The following GPR21 variants were observed in gnomAD, a reference collection of about 807,000 sequenced individuals.
The protein encoded by GPR21 is G protein-coupled receptor 21.
A neutral mutation model predicts 21.5 loss-of-function variants in GPR21; 9 were observed. That is an observed-to-expected ratio of 0.42 (90% CI 0.25 to 0.73). The LOEUF (loss-of-function observed/expected upper bound fraction) is 0.73, where lower values mean the gene tolerates loss of function less well. GPR21 is among the 30% of genes least tolerant of loss of function. The pLI is 0.27. For synonymous variants in GPR21, 169 were observed against 159.3 expected (o/e 1.06, Z -0.46); for missense variants, 416 against 428.9 (o/e 0.97, Z 0.27).
chr9:123,049,056 A>G, the GPR21 span, among the ~76,000 whole-genome samples: 1 of 152,354 alleles, frequency 6.6e-6, no homozygotes, highest in South Asian at 2.1e-4. Flanking sequence ...AAACAATGTG[A>G]TAGCAGTAAA....
chr9:123,043,169 A>G, the GPR21 span, among the ~76,000 whole-genome samples: 2 of 152,218 alleles, frequency 1.3e-5, no homozygotes, highest in Non-Finnish European at 2.9e-5. Flanking sequence ...AAGTTACTGA[A>G]GGATATGCTT....
chr9:123,045,078 A>G, the GPR21 span, among the ~76,000 whole-genome samples: 1 of 152,234 alleles, frequency 6.6e-6, no homozygotes, highest in Non-Finnish European at 1.5e-5. Flanking sequence ...TTGTTACAAA[A>G]CGACTGAATT....
chr9:123,044,192 C>T, the GPR21 span, among the ~76,000 whole-genome samples: 2 of 152,058 alleles, frequency 1.3e-5, no homozygotes, highest in South Asian at 2.1e-4. Context: ...CGTGAGCCAC[C>T]GCGCCCAGCC....
At chr9:123,047,622 C>A in the GPR21 span, among the ~76,000 whole-genome samples, 1 of 151,900 alleles carries the variant, frequency 6.6e-6, no homozygotes, top group Admixed American at 6.6e-5. Context: ...TAAGATTCTT[C>A]CATAGAAAAA....
chr9:123,035,044 G>C lies in GPR21; in HGVS notation c.478G>C (p.Val160Leu). The C allele has an allele frequency of 1.2e-6, 2 of 1,614,000 alleles. No homozygotes were observed. The highest frequency in any genetic ancestry group is 1.7e-6 in the Non-Finnish European group (2 of 1,179,950). The change falls in exon 2 of 2, where the codon GTC becomes CTC. Residue 160 changes from valine (V) to leucine (L), a missense_variant. Coordinates refer to ENST00000616002, the MANE Select transcript of GPR21 (RefSeq NM_005294.3). Reference sequence around the variant, plus strand: ...CCTGATTTGGCTATACTCGACCCTGGTCTTCCTGCCTTCCTTTTTCCACTG... The same window carrying C: ...CCTGATTTGGCTATACTCGACCCTGCTCTTCCTGCCTTCCTTTTTCCACTG... ...IFLIWLYSTL[V>L]FLPSFFHWGK...
the GPR21 span, among the ~76,000 whole-genome samples, chr9:123,041,223 A>G: frequency 6.9e-4 from 105 of 152,370 alleles, no homozygotes; most frequent in Non-Finnish European, 1.2e-3. Flanking sequence ...CAGATGAAAC[A>G]GATTTTGAGG....
rs555420480 is a variant in GPR21, at chr9:123,035,610, T to C, written c.1044T>C (p.His348=). 2.1e-5 allele frequency: 33 copies of C among 1,574,900 alleles called. No homozygotes were observed. The East Asian group carries it at 6.7e-4, about 32-fold the overall frequency. ...GCAAAGGCCCTCTTAATGGATGTCATATCTGAAGTGGCTCAGTTACGGGGT... is the reference window on the plus strand; with the variant it reads ...GCAAAGGCCCTCTTAATGGATGTCACATCTGAAGTGGCTCAGTTACGGGGT... The part of the protein sequence containing the change: ...VRSKGPLNGC[H]I The change falls in exon 2 of 2, where the codon CAT becomes CAC. Residue 348 remains histidine (H), a synonymous_variant. Transcript: ENST00000616002.
In GPR21 at chr9:123,034,298, T is replaced by G; in HGVS notation, c.-269T>G. ...CCCAGAGTTTACCTTGCTCCCCTGG[T>G]GCTATGTGTATGGTGAACCTGGCAC... On this transcript the variant is annotated 5_prime_UTR_variant, in exon 2 of 2. Coordinates refer to ENST00000616002, the MANE Select transcript of GPR21 (RefSeq NM_005294.3). The G allele has an allele frequency of 2.0e-6, 1 of 490,996 alleles. No homozygotes were observed. 30.4% of individuals were successfully genotyped at this position (490,996 alleles called of 1,614,324 possible).
chr9:123,041,927 TTCCCCATCCCACCTGAA>T, the GPR21 span, among the ~76,000 whole-genome samples: 38 of 152,286 alleles, frequency 2.5e-4, no homozygotes, highest in East Asian at 1.9e-3. Context: ...CTTACTCCTC[TTCCCCATCCCACCTGAA>T]TCCCCATCCC....
At chr9:123,038,001 T>G (rs565445009), downstream of GPR21, among the ~76,000 whole-genome samples, 1 of 152,260 alleles carries the variant, frequency 6.6e-6, no homozygotes, top group South Asian at 2.1e-4. Flanking sequence ...AACATATACT[T>G]TTGGTGATTA....
Position 123,035,559 on chromosome 9 carries a change from A to G in GPR21, c.993A>G (p.Thr331=), listed in dbSNP as rs771235317. The change falls in exon 2 of 2, where the codon ACA becomes ACG. Residue 331 remains threonine (T), a synonymous_variant. Coordinates refer to ENST00000616002, the MANE Select transcript of GPR21 (RefSeq NM_005294.3). ...GTACTTCTTGTGCAAGTCAGACTAC[A>G]GCCAACGACCCTTACACAGTTAGAA... The part of the protein sequence containing the change: ...AMCTSCASQT[T]ANDPYTVRSK... The G allele has an allele frequency of 6.2e-7, 1 of 1,613,166 alleles. No individual in the cohort carries two copies. Among genetic ancestry groups the G allele is most frequent in the South Asian group, 1.1e-5 (1 of 90,960 alleles).
At chr9:123,039,833 C>A (rs1313188360), downstream of GPR21, among the ~76,000 whole-genome samples, 1 of 152,132 alleles carries the variant, frequency 6.6e-6, no homozygotes, top group African/African-American at 2.4e-5. Context: ...AAAGAAACTT[C>A]CTATGTGGTT....
rs757383873 is a variant in GPR21 at position 123,035,014 on chromosome 9, A to T, written c.448A>T (p.Ile150Phe). The part of the protein sequence containing the change: ...LVTPWRLRLC[I>F]FLIWLYSTLV... The stretch of plus-strand genomic sequence containing the variant: ...TACACCCTGGAGACTACGCCTGTGT[A>T]TTTTCCTGATTTGGCTATACTCGAC... The change falls in exon 2 of 2, where the codon ATT (isoleucine) becomes TTT (phenylalanine). Residue 150 changes from isoleucine to phenylalanine, a missense_variant. Physicochemically the swap from Ile to Phe is conservative, Grantham distance 21 (BLOSUM62 0). Transcript: ENST00000616002. 6.2e-7 allele frequency: 1 copy of T among 1,613,694 alleles called. No homozygotes were observed.
chr9:123,033,889 A>G (rs1482806714), intron 1 of GPR21, 147 bp downstream of exon 1: 1 of 152,242 alleles, frequency 6.6e-6, no homozygotes, highest in East Asian at 1.9e-4. Flanking sequence ...CCTAAATATT[A>G]TAAGCAAATT....
chr9:123,045,730 C>T, the GPR21 span, among the ~76,000 whole-genome samples: 1 of 152,096 alleles, frequency 6.6e-6, no homozygotes, highest in Non-Finnish European at 1.5e-5. Flanking sequence ...ACTCTTGGAT[C>T]ATTTTTTTCC....
In GPR21 at chr9:123,035,271, G is replaced by A; in HGVS notation, c.705G>A (p.Gln235=). The change falls in exon 2 of 2, where the codon CAG becomes CAA. Residue 235 remains glutamine (Q), a synonymous_variant. Coordinates refer to ENST00000616002, the MANE Select transcript of GPR21 (RefSeq NM_005294.3). ...AAAGGCAAGCCCGCTTCAGCAGCCA[G>A]AGTGGGGAGACTGGGGAAGTGCAGG... ...ISERQARFSS[Q]SGETGEVQAC... 1 of 1,614,194 alleles carries A rather than the reference G, an allele frequency of 6.2e-7. No individual in the cohort carries two copies. Among genetic ancestry groups the A allele is most frequent in the South Asian group, 1.1e-5 (1 of 91,078 alleles).
Position 123,035,078 on chromosome 9 carries a change from C to A in GPR21, c.512C>A (p.Pro171His), listed in dbSNP as rs2032548893. The A allele has an allele frequency of 6.2e-7, 1 of 1,614,122 alleles. No homozygotes were observed. The highest frequency in any genetic ancestry group is 8.5e-7 in the Non-Finnish European group (1 of 1,180,022). Residue 171 changes from proline (P) to histidine (H), a missense_variant, in exon 2 of 2, where the codon CCT (proline) becomes CAT (histidine). Coordinates refer to ENST00000616002, the MANE Select transcript of GPR21 (RefSeq NM_005294.3). The stretch of plus-strand genomic sequence containing the variant: ...CCTTCCTTTTTCCACTGGGGCAAAC[C>A]TGGATATCATGGAGATGTGTTTCAG... ...FLPSFFHWGK[P>H]GYHGDVFQWC... is the part of the protein sequence containing the mutation.
At position 123,035,530 on chromosome 9, in the gene GPR21, A is replaced by G. The variant is rs908280047; in HGVS notation, c.964A>G (p.Met322Val). Reference protein sequence around the residue: ...QRGLKRLSGAMCTSCASQTTA... With the variant: ...QRGLKRLSGAVCTSCASQTTA... ...AGGACTAAAGCGCCTCTCAGGGGCT[A>G]TGTGTACTTCTTGTGCAAGTCAGAC... Residue 322 changes from methionine to valine, a missense_variant, in exon 2 of 2, where the codon ATG becomes GTG. Met to Val is a conservative substitution (Grantham distance 21, BLOSUM62 1). Transcript: ENST00000616002. 1.4e-5 allele frequency: 22 copies of G among 1,613,812 alleles called. No homozygotes were observed. The highest frequency in any genetic ancestry group is 1.6e-5 in the Non-Finnish European group (19 of 1,179,850).
chr9:123,041,393 T>C, the GPR21 span, among the ~76,000 whole-genome samples: 1 of 152,290 alleles, frequency 6.6e-6, no homozygotes, highest in African/African-American at 2.4e-5. Flanking sequence ...ATTTTATAGG[T>C]GAGGAAACAT....
Sources: allele counts gnomAD v4.1 joint callset (sites outside exome capture counted in the v4.1 genomes callset), GRCh38; gene constraint gnomAD v4.1.1; transcripts MANE v1.5; gene names NCBI Gene and HGNC (gene_info 2026-07-23, HGNC 2026-07-21).